The following WDR86 variants were observed in gnomAD, a reference collection of about 807,000 sequenced individuals.
The protein encoded by WDR86 is WD repeat domain 86.
A neutral mutation model predicts 36.5 loss-of-function variants in WDR86; 30 were observed. That is an observed-to-expected ratio of 0.82 (90% CI 0.61 to 1.11). WDR86 has a LOEUF of 1.11. Ranked by LOEUF, WDR86 falls within the 50% of genes most tolerant of loss-of-function variation. WDR86 has a pLI of 0.00. For synonymous variants in WDR86, 255 were observed against 252.9 expected (o/e 1.01, Z -0.08); for missense variants, 545 against 561.2 (o/e 0.97, Z 0.29).
At chr7:151,393,820 G>T (rs1799613435) in intron 3 of WDR86, among the ~76,000 whole-genome samples, 1 of 152,186 alleles carries the variant, frequency 6.6e-6, no homozygotes. Context: ...AACCCTGGGA[G>T]ACTAGAAGAG....
At chr7:151,410,113 C>A (rs1194084515), upstream of WDR86, 1 of 979,382 alleles carries the variant, frequency 1.0e-6, no homozygotes, top group Non-Finnish European at 1.2e-6. Context: ...CCAGCCCCCA[C>A]CCCGCGCGCC....
At position 151,406,560 on chromosome 7, in the gene WDR86, C is replaced by G. The variant is rs1002809371; in HGVS notation, c.163+2867G>C. Among the ~76,000 whole-genome samples, 1 of 152,132 alleles carries G rather than the reference C, an allele frequency of 6.6e-6. No homozygotes were observed. Among genetic ancestry groups the G allele is most frequent in the Non-Finnish European group, 1.5e-5 (1 of 68,028 alleles). On this transcript the variant is annotated intron_variant, in intron 1 of 5. Transcript: ENST00000334493. The surrounding 1 kb of genome is among the most constrained non-coding windows in gnomAD (Gnocchi z 4.4). The stretch of plus-strand genomic sequence containing the variant: ...AGGATGCTTCTAGGGATGGGGCCAC[C>G]ACAGACCAGCCATGTGGTCTGGACA...
In WDR86 at chr7:151,386,130, G is replaced by A. The variant is rs184470344; in HGVS notation, c.727-907C>T. On this transcript the variant is annotated intron_variant, in intron 3 of 5. Transcript: ENST00000334493. ...AGTCAGAAGCGGGTCAGGCACACAG[G>A]GCATTTCTCCTGTGGTCGGCAGGCA... is the stretch of plus-strand genomic sequence containing the variant. Among the ~76,000 whole-genome samples, 3 of 152,278 alleles carry A rather than the reference G, an allele frequency of 2.0e-5. No individual in the cohort carries two copies. The East Asian group carries it at 5.8e-4, about 29-fold the overall frequency.
At chr7:151,374,192 G>A (rs746497859), downstream of WDR86, 34 of 1,572,282 alleles carry the variant, frequency 2.2e-5, no homozygotes, top group South Asian at 1.4e-4. Flanking sequence ...CCACGCACGC[G>A]GCCCAGCAGG....
chr7:151,392,693 CCAGGCCTGTCA>C (rs1248287271), intron 3 of WDR86, among the ~76,000 whole-genome samples: 1 of 152,172 alleles, frequency 6.6e-6, no homozygotes, highest in Non-Finnish European at 1.5e-5. Flanking sequence ...CAGGGACCTC[CCAGGCCTGTCA>C]CAGGCTGTGC....
chr7:151,403,112 G>A (rs769373643), intron 1 of WDR86, among the ~76,000 whole-genome samples: 7 of 152,178 alleles, frequency 4.6e-5, no homozygotes, highest in Non-Finnish European at 8.8e-5. Context: ...GCTACACATC[G>A]CTTCACTTGT....
In WDR86 at chr7:151,401,102, G is replaced by T. The variant is rs757564210; in HGVS notation, c.164-861C>A. On this transcript the variant is annotated intron_variant, in intron 1 of 5. Transcript: ENST00000334493. This position sits in a 1 kb window ranked among gnomAD's most constrained non-coding sequence, Gnocchi z 4.3. ...CACCTGCTCATGAATAATCAGGTAA[G>T]ACTCCTAAAAAGGGATCCTCCCTCC... 1.3e-4 allele frequency among the ~76,000 whole-genome samples: 20 copies of T among 152,172 alleles called. No individual in the cohort carries two copies. The highest frequency in any genetic ancestry group is 2.5e-4 in the Non-Finnish European group (17 of 68,026).
At chr7:151,392,987 G>A (rs1027345077) in intron 3 of WDR86, among the ~76,000 whole-genome samples, 2 of 152,154 alleles carry the variant, frequency 1.3e-5, no homozygotes, top group African/African-American at 2.4e-5. Flanking sequence ...GCTGTCCCTG[G>A]CTGTTCCCAT....
downstream of WDR86, chr7:151,377,282 G>C: frequency 5.1e-6 from 6 of 1,178,590 alleles, no homozygotes; most frequent in Non-Finnish European, 7.0e-6. Context: ...TTATGAAAAG[G>C]CTAATGCAGC....
intron 3 of WDR86, among the ~76,000 whole-genome samples, chr7:151,394,847 A>G (rs115668686): frequency 0.036 from 5,441 of 152,310 alleles, 277 homozygotes; most frequent in African/African-American, 0.11. Flanking sequence ...AAGGCGTGAG[A>G]ACCCCCAGGC....
chr7:151,409,208 C>T lies in WDR86; in HGVS notation c.163+219G>A. 1.4e-6 allele frequency: 1 copy of T among 715,900 alleles called. No homozygotes were observed. The allele number at this position is 715,900 out of a possible 1,614,324, so 44.3% of individuals were successfully genotyped here. On this transcript the variant is annotated intron_variant, in intron 1 of 5. Transcript: ENST00000334493. This position sits in a 1 kb window ranked among gnomAD's most constrained non-coding sequence, Gnocchi z 5.2. Reference sequence around the variant, plus strand: ...ACCCACCCACCCGATCCCGGCCGCACCCTGCTCTGCACCCGCACCCCACCC... The same window carrying T: ...ACCCACCCACCCGATCCCGGCCGCATCCTGCTCTGCACCCGCACCCCACCC...
Position 151,396,020 on chromosome 7 carries a change from G to C in WDR86, c.482C>G (p.Ala161Gly), listed in dbSNP as rs1037020848. The change falls in exon 3 of 6, where the codon GCG becomes GGG. Residue 161 changes from alanine to glycine, a missense_variant. Ala to Gly is a moderately conservative substitution (Grantham distance 60). Transcript: ENST00000334493. ...LPSTPCAEEA[A>G]AGGLLVTGST... is the part of the protein sequence containing the mutation. ...GCCGGTCACCAGAAGCCCCCCGGCCGCGGCCTCCTCCGCGCAGGGAGTGCT... is the reference window on the plus strand; with the variant it reads ...GCCGGTCACCAGAAGCCCCCCGGCCCCGGCCTCCTCCGCGCAGGGAGTGCT... The C allele has an allele frequency of 4.4e-6, 7 of 1,605,014 alleles. No individual in the cohort carries two copies. The highest frequency in any genetic ancestry group is 6.0e-6 in the Non-Finnish European group (7 of 1,175,882).
chr7:151,369,389 C>T, the WDR86 span, among the ~76,000 whole-genome samples: 2 of 152,124 alleles, frequency 1.3e-5, no homozygotes, highest in Non-Finnish European at 2.9e-5. Context: ...GGCAAACGGT[C>T]CCCTCTCTCT....
chr7:151,385,233 G>C lies in WDR86; in HGVS notation c.727-10C>G. 1.2e-6 allele frequency: 2 copies of C among 1,610,466 alleles called. No homozygotes were observed. Among genetic ancestry groups the C allele is most frequent in the Non-Finnish European group, 1.7e-6 (2 of 1,179,870 alleles). ...CGAGTCGGTTCACCAGCTGCGAGGA[G>C]GAGCAGGGAAGGTCGGCAGCTGGGG... On this transcript the variant is annotated splice_polypyrimidine_tract_variant and intron_variant, in intron 3 of 5. Coordinates refer to ENST00000334493, the MANE Select transcript of WDR86 (RefSeq NM_198285.3).
Position 151,401,161 on chromosome 7 carries a change from C to G in WDR86, c.164-920G>C, listed in dbSNP as rs1391564649. 6.6e-6 allele frequency among the ~76,000 whole-genome samples: 1 copy of G among 152,196 alleles called. No individual in the cohort carries two copies. Among genetic ancestry groups the G allele is most frequent in the Non-Finnish European group, 1.5e-5 (1 of 68,032 alleles). On this transcript the variant is annotated intron_variant, in intron 1 of 5. Transcript: ENST00000334493. This position sits in a 1 kb window ranked among gnomAD's most constrained non-coding sequence, Gnocchi z 4.3. Reference sequence around the variant, plus strand: ...TTTGCTCTCTCATCCTCACAGGCAGCCTACCCTGACTCCCCTCTTGGGGCG... The same window carrying G: ...TTTGCTCTCTCATCCTCACAGGCAGGCTACCCTGACTCCCCTCTTGGGGCG...
chr7:151,410,017 G>A lies in WDR86; in HGVS notation c.-428C>T. On this transcript the variant is annotated 5_prime_UTR_variant, in exon 1 of 6. Coordinates refer to ENST00000334493, the MANE Select transcript of WDR86 (RefSeq NM_198285.3). ...AGCCGAGCGCCCCGCGCCCTCCCCG[G>A]CCGAGCGCGGAACAATACGGTCCAG... 1 of 994,404 alleles carries A rather than the reference G, an allele frequency of 1.0e-6. No homozygotes were observed. Among genetic ancestry groups the A allele is most frequent in the South Asian group, 4.6e-5 (1 of 21,506 alleles). 61.6% of individuals were successfully genotyped at this position (994,404 alleles called of 1,614,324 possible). A position where few individuals can be genotyped will look rare whatever the true frequency, so the allele number is the denominator to read the frequency against.
At position 151,396,068 on chromosome 7, in the gene WDR86, T is replaced by G. The variant is rs1342218343; in HGVS notation, c.434A>C (p.Tyr145Ser). 1.9e-6 allele frequency: 3 copies of G among 1,612,198 alleles called. No homozygotes were observed. Among genetic ancestry groups the G allele is most frequent in the Non-Finnish European group, 2.5e-6 (3 of 1,179,746 alleles). Residue 145 changes from tyrosine (Y) to serine (S), a missense_variant, in exon 3 of 6, where the codon TAC (tyrosine) becomes TCC (serine). By Grantham distance (144) the Tyr-to-Ser change is moderately radical. Transcript: ENST00000334493. Reference protein sequence around the residue: ...GHRNCVLTLAYSAPWDLPSTP... With the variant: ...GHRNCVLTLASSAPWDLPSTP... Reference sequence around the variant, plus strand: ...GCTGGGGAGGTCCCACGGGGCAGAGTAGGCTAGGGTCAGCACGCAGTTGCG... The same window carrying G: ...GCTGGGGAGGTCCCACGGGGCAGAGGAGGCTAGGGTCAGCACGCAGTTGCG...
chr7:151,385,667 A>AG (rs1798921642), intron 3 of WDR86, among the ~76,000 whole-genome samples: 1 of 152,160 alleles, frequency 6.6e-6, no homozygotes, highest in Non-Finnish European at 1.5e-5. Context: ...CGAGGGTGTG[A>AG]GGCAGACTTC....
rs1800609466 is a variant in WDR86 at position 151,405,032 on chromosome 7, GC to G, written c.163+4394del. ...GGCACTGCTGACCTGGTTTGCTCCA[GC>G]CCTTGTAGCACAAGGGTTATTTTCA... On this transcript the variant is annotated intron_variant, in intron 1 of 5. Coordinates refer to ENST00000334493, the MANE Select transcript of WDR86 (RefSeq NM_198285.3). This position sits in a 1 kb window ranked among gnomAD's most constrained non-coding sequence, Gnocchi z 4.7. 6.6e-6 allele frequency among the ~76,000 whole-genome samples: 1 copy of G among 152,174 alleles called. No homozygotes were observed. The highest frequency in any genetic ancestry group is 2.4e-5 in the African/African-American group (1 of 41,448).
Sources: allele counts gnomAD v4.1 joint callset (sites outside exome capture counted in the v4.1 genomes callset), GRCh38; gene constraint gnomAD v4.1.1; non-coding constraint Gnocchi (gnomAD v3.1); transcripts MANE v1.5; gene names NCBI Gene and HGNC (gene_info 2026-07-23, HGNC 2026-07-21).